Variants in ZMYM2 observed in about 807,000 individuals in gnomAD.
ZMYM2 encodes the protein zinc finger MYM-type protein 2.
A neutral mutation model predicts 162.8 loss-of-function variants in ZMYM2; 56 were observed. The observed-to-expected ratio is 0.34, with a 90% CI of 0.28 to 0.43. The LOEUF is 0.43. Ranked by LOEUF, ZMYM2 falls within the 20% of genes least tolerant of loss-of-function variation. ZMYM2 has a pLI of 1.00. For missense variants in ZMYM2, 1,275 were observed against 1,621.8 expected (o/e 0.79, Z 3.67); for synonymous variants, 510 against 541.6 (o/e 0.94, Z 0.81).
the ZMYM2 span, among the ~76,000 whole-genome samples, chr13:19,875,743 C>T: frequency 1.3e-5 from 2 of 151,780 alleles, no homozygotes; most frequent in African/African-American, 2.4e-5. Flanking sequence ...CCAAATACTG[C>T]GTGTTCTCCC....
intron 12 of ZMYM2, among the ~76,000 whole-genome samples, chr13:20,046,958 G>A (rs530246652): frequency 1.3e-5 from 2 of 152,048 alleles, no homozygotes; most frequent in Non-Finnish European, 2.9e-5. Flanking sequence ...TATGTTTAAT[G>A]TCAGTATTCT....
chr13:19,920,273 C>CA, the ZMYM2 span, among the ~76,000 whole-genome samples: 138 of 151,448 alleles, frequency 9.1e-4, 1 homozygote, highest in East Asian at 0.022. Flanking sequence ...TGGTGTCTGT[C>CA]AAAAAAAACA....
At chr13:20,073,559 TTAGA>T (rs1331563502) in intron 21 of ZMYM2, among the ~76,000 whole-genome samples, 5 of 152,178 alleles carry the variant, frequency 3.3e-5, no homozygotes, top group African/African-American at 9.7e-5. Flanking sequence ...AGATGTAAGC[TTAGA>T]TAATTGATTT....
intron 14 of ZMYM2, among the ~76,000 whole-genome samples, chr13:20,057,249 G>A (rs1358916294): frequency 1.3e-5 from 2 of 151,724 alleles, no homozygotes; most frequent in African/African-American, 2.4e-5. Flanking sequence ...ACTAGAGGTG[G>A]GCGCCACCAT....
intron 7 of ZMYM2, among the ~76,000 whole-genome samples, chr13:20,021,556 A>G (rs986017578): frequency 6.6e-6 from 1 of 152,132 alleles, no homozygotes; most frequent in African/African-American, 2.4e-5. Flanking sequence ...AAGTTTTTGA[A>G]AAGACTTTGG....
chr13:19,959,582 C>T (rs1201313818), intron 1 of ZMYM2, among the ~76,000 whole-genome samples: 2 of 152,254 alleles, frequency 1.3e-5, no homozygotes, highest in African/African-American at 2.4e-5. Context: ...CCGCCCCTTA[C>T]CTCTGAATTG....
chr13:20,031,423 C>A lies in ZMYM2; in HGVS notation c.1956C>A (p.Ile652=). 6.2e-7 allele frequency: 1 copy of A among 1,601,006 alleles called. No individual in the cohort carries two copies. Among genetic ancestry groups the A allele is most frequent in the East Asian group, 2.3e-5 (1 of 44,240 alleles). The change falls in exon 10 of 25, where the codon ATC becomes ATA. Residue 652 remains isoleucine, a synonymous_variant. Transcript: ENST00000610343. ...CKNSFCSKPE[I]LEWENKVHQF... is the part of the protein sequence containing the mutation. Reference sequence around the variant, plus strand: ...ATTCCTTTTGTTCAAAACCAGAAATCCTGGAATGGGAGGCAAGTTGTATTT... The same window carrying A: ...ATTCCTTTTGTTCAAAACCAGAAATACTGGAATGGGAGGCAAGTTGTATTT...
At chr13:19,918,121 G>A in the ZMYM2 span, among the ~76,000 whole-genome samples, 1 of 152,018 alleles carries the variant, frequency 6.6e-6, no homozygotes, top group African/African-American at 2.4e-5. Context: ...CCACACCCTG[G>A]AAATTTATAT....
intron 2 of ZMYM2, among the ~76,000 whole-genome samples, chr13:19,967,172 A>T (rs527985182): frequency 7.9e-5 from 12 of 152,138 alleles, no homozygotes; most frequent in Admixed American, 6.5e-5. Flanking sequence ...TGCTTTTTTT[A>T]AAAAAAGAGC....
the ZMYM2 span, among the ~76,000 whole-genome samples, chr13:19,874,939 A>G: frequency 3.3e-5 from 5 of 152,226 alleles, no homozygotes; most frequent in Non-Finnish European, 7.3e-5. Flanking sequence ...AGGCTATGGA[A>G]AAAAGGGAAC....
chr13:19,891,790 T>G, the ZMYM2 span, among the ~76,000 whole-genome samples: 2 of 151,810 alleles, frequency 1.3e-5, no homozygotes, highest in South Asian at 2.1e-4. Flanking sequence ...AAAAAATAAA[T>G]AAATCAATAA....
At chr13:20,063,830 A>T (rs7489845) in intron 18 of ZMYM2, among the ~76,000 whole-genome samples, 911 of 11,462 alleles carry the variant, frequency 0.079, 5 homozygotes, top group Middle Eastern at 0.25. Context: ...CATAAATATA[A>T]TTTTATATAT....
chr13:19,920,730 TTATGTGTGTATGTATGTATG>T, the ZMYM2 span, among the ~76,000 whole-genome samples: 3 of 133,148 alleles, frequency 2.3e-5, no homozygotes, highest in African/African-American at 7.9e-5. Context: ...GTCCCTTCAT[TTATGTGTGTATGTATGTATG>T]TATGTATGTA....
At chr13:19,901,556 C>A in the ZMYM2 span, among the ~76,000 whole-genome samples, 1 of 152,046 alleles carries the variant, frequency 6.6e-6, no homozygotes, top group Non-Finnish European at 1.5e-5. Context: ...GCCATCTCAG[C>A]TCACTGCAAC....
chr13:20,082,253 C>T lies in ZMYM2; in HGVS notation c.3568+123C>T, dbSNP rs553899186. 1.6e-4 allele frequency: 118 copies of T among 726,550 alleles called. 1 individual carries two copies. The African/African-American group carries it at 2.0e-3, about 12-fold the overall frequency. 45.0% of individuals were successfully genotyped at this position (726,550 alleles called of 1,614,324 possible). A position where few individuals can be genotyped will look rare whatever the true frequency, so the allele number is the denominator to read the frequency against. Reference sequence around the variant, plus strand: ...AGATAACATTTTCTGAACACTTACTCGAGCTCATCTGCCTTTCATCTCTTG... The same window carrying T: ...AGATAACATTTTCTGAACACTTACTTGAGCTCATCTGCCTTTCATCTCTTG... On this transcript the variant is annotated intron_variant, in intron 22 of 24. Transcript: ENST00000610343.
the ZMYM2 span, among the ~76,000 whole-genome samples, chr13:19,888,373 G>C: frequency 6.6e-6 from 1 of 151,506 alleles, no homozygotes; most frequent in Non-Finnish European, 1.5e-5. Context: ...ATTTCTGATA[G>C]AGACTGGGTC....
At chr13:20,054,264 C>T (rs753622290) in intron 14 of ZMYM2, among the ~76,000 whole-genome samples, 3 of 152,182 alleles carry the variant, frequency 2.0e-5, no homozygotes, top group Non-Finnish European at 4.4e-5. Flanking sequence ...AATATAGTAC[C>T]TACCTCATGT....
intron 2 of ZMYM2, among the ~76,000 whole-genome samples, chr13:19,961,470 G>T (rs1247207231): frequency 1.3e-5 from 2 of 152,098 alleles, no homozygotes; most frequent in African/African-American, 4.8e-5. Flanking sequence ...TTCATCTCAG[G>T]CATCAGATCA....
chr13:19,913,898 G>T, the ZMYM2 span, among the ~76,000 whole-genome samples: 1 of 152,182 alleles, frequency 6.6e-6, no homozygotes, highest in Non-Finnish European at 1.5e-5. Flanking sequence ...GAAGACTCAG[G>T]TCCATGATAT....
Sources: allele counts gnomAD v4.1 joint callset (sites outside exome capture counted in the v4.1 genomes callset), GRCh38; gene constraint gnomAD v4.1.1; transcripts MANE v1.5; gene names NCBI Gene and HGNC (gene_info 2026-07-23, HGNC 2026-07-21).